The following NEO1 variants were observed in gnomAD, a reference collection of about 807,000 sequenced individuals.
NEO1 encodes the protein neogenin.
A neutral mutation model predicts 159.7 loss-of-function variants in NEO1; 63 were observed. The observed-to-expected ratio is 0.39, with a 90% CI of 0.32 to 0.49. The LOEUF is 0.49. Ranked by LOEUF, NEO1 falls within the 20% of genes least tolerant of loss-of-function variation. NEO1 has a pLI of 0.85. For missense variants in NEO1, 1,615 were observed against 1,831.0 expected, an observed-to-expected ratio of 0.88 and a Z score of 2.15; for synonymous variants, 633 against 662.0, an observed-to-expected ratio of 0.96 and a Z score of 0.67.
intron 1 of NEO1, among the ~76,000 whole-genome samples, chr15:73,094,922 A>G (rs937153799): frequency 6.6e-6 from 1 of 152,182 alleles, no homozygotes; most frequent in African/African-American, 2.4e-5. Context: ...TTAGAAAACC[A>G]TAGCTAGGCT....
chr15:73,066,035 CTTTT>C (rs11400510), intron 1 of NEO1, among the ~76,000 whole-genome samples: 1 of 139,764 alleles, frequency 7.2e-6, no homozygotes, highest in African/African-American at 2.6e-5. Context: ...TCTTTCTTTT[CTTTT>C]TTTTTTTTTT....
Position 73,052,700 on chromosome 15 carries a change from C to A in NEO1, c.25C>A (p.Arg9=). 1 of 1,356,744 alleles carries A rather than the reference C, an allele frequency of 7.4e-7. No individual in the cohort carries two copies. Among genetic ancestry groups the A allele is most frequent in the Non-Finnish European group, 9.5e-7 (1 of 1,047,458 alleles). The allele number at this position is 1,356,744 out of a possible 1,614,324, so 84.0% of individuals were successfully genotyped here. Residue 9 remains arginine (R), a synonymous_variant, in exon 1 of 29, where the codon CGA becomes AGA. Coordinates refer to ENST00000261908, the MANE Select transcript of NEO1 (RefSeq NM_002499.4). ...GATGGCGGCGGAGCGGGGAGCCCGG[C>A]GACTCCTCAGCACCCCCTCCTTCTG... MAAERGAR[R]LLSTPSFWLY...
At chr15:73,193,894 C>T (rs56104737) in intron 7 of NEO1, among the ~76,000 whole-genome samples, 1,947 of 151,820 alleles carry the variant, frequency 0.013, 31 homozygotes, top group African/African-American at 0.044. Flanking sequence ...GCATGTGAGC[C>T]GAGCCTAGAA....
intron 7 of NEO1, among the ~76,000 whole-genome samples, chr15:73,223,925 C>T (rs1304007128): frequency 1.3e-5 from 2 of 152,080 alleles, no homozygotes; most frequent in African/African-American, 4.8e-5. Flanking sequence ...AGACGTTCTG[C>T]TTTGATGTGT....
intron 1 of NEO1, among the ~76,000 whole-genome samples, chr15:73,060,940 A>G (rs1331485983): frequency 6.6e-6 from 1 of 152,222 alleles, no homozygotes; most frequent in East Asian, 1.9e-4. Flanking sequence ...GTGACACTGC[A>G]CTGGCCTAAC....
At chr15:73,126,896 A>G (rs1346871670) in intron 4 of NEO1, among the ~76,000 whole-genome samples, 5 of 152,094 alleles carry the variant, frequency 3.3e-5, no homozygotes, top group Non-Finnish European at 7.4e-5. Context: ...ACACATTCTC[A>G]TATGCATTTT....
At chr15:73,295,151 T>TATATATATATATA (rs1555470520) in intron 26 of NEO1, among the ~76,000 whole-genome samples, 2 of 145,550 alleles carry the variant, frequency 1.4e-5, no homozygotes, top group Non-Finnish European at 3.0e-5. Flanking sequence ...TATGTAAAAA[T>TATATATATATATA]TTGGCCTTTC....
At chr15:73,172,319 C>G (rs1307747384) in intron 5 of NEO1, among the ~76,000 whole-genome samples, 2 of 152,058 alleles carry the variant, frequency 1.3e-5, no homozygotes, top group African/African-American at 4.8e-5. Context: ...GTGTCCTTGC[C>G]TATAAAATGG....
At chr15:73,294,864 T>A (rs749937103) in intron 26 of NEO1, among the ~76,000 whole-genome samples, 10 of 151,970 alleles carry the variant, frequency 6.6e-5, no homozygotes, top group Non-Finnish European at 1.3e-4. Context: ...TTTTCATCAA[T>A]CATAAACATA....
intron 22 of NEO1, among the ~76,000 whole-genome samples, chr15:73,278,730 C>T (rs1403023569): frequency 6.6e-6 from 1 of 152,188 alleles, no homozygotes; most frequent in Non-Finnish European, 1.5e-5. Flanking sequence ...TTGATTCTTA[C>T]AACATGGTGA....
intron 8 of NEO1, among the ~76,000 whole-genome samples, 168 bp from the exon 9 acceptor site, chr15:73,244,176 T>G (rs762865152): frequency 6.6e-6 from 1 of 152,182 alleles, no homozygotes; most frequent in Non-Finnish European, 1.5e-5. Context: ...GCCCTTGCTC[T>G]TTTGCCAGTC....
intron 4 of NEO1, among the ~76,000 whole-genome samples, chr15:73,133,458 T>C (rs549584666): frequency 1.3e-5 from 2 of 152,162 alleles, no homozygotes; most frequent in Non-Finnish European, 2.9e-5. Context: ...GTACACTGTT[T>C]GGGTGATGGG....
rs186070617 is a variant in NEO1, at chr15:73,213,915, A to T, written c.1292-22432A>T. 2.1e-3 allele frequency among the ~76,000 whole-genome samples: 324 copies of T among 152,270 alleles called. 2 individuals carry two copies. Among genetic ancestry groups the T allele is most frequent in the Non-Finnish European group, 5.0e-4 (34 of 68,014 alleles). The stretch of plus-strand genomic sequence containing the variant: ...TATAGAAGTGTTCCCTGTTCACCGC[A>T]TCCATGACAACATCTACTGTTTTTT... On this transcript the variant is annotated intron_variant, in intron 7 of 28. Coordinates refer to ENST00000261908, the MANE Select transcript of NEO1 (RefSeq NM_002499.4).
At chr15:73,265,134 C>T (rs552371711) in intron 15 of NEO1, among the ~76,000 whole-genome samples, 18 of 152,074 alleles carry the variant, frequency 1.2e-4, no homozygotes, top group Non-Finnish European at 2.2e-4. Flanking sequence ...GATAAGTGGC[C>T]GGTAATGATG....
intron 1 of NEO1, among the ~76,000 whole-genome samples, chr15:73,109,970 G>C (rs566466812): frequency 6.6e-6 from 1 of 152,166 alleles, no homozygotes; most frequent in African/African-American, 2.4e-5. Context: ...TAACTGTTAC[G>C]TAGCAAAGCA....
intron 23 of NEO1, among the ~76,000 whole-genome samples, chr15:73,286,306 A>C (rs2041946581): frequency 6.6e-6 from 1 of 152,178 alleles, no homozygotes; most frequent in Admixed American, 6.5e-5. Flanking sequence ...TTCTCATCTT[A>C]GTCTCTCAGC....
At chr15:73,072,938 G>A (rs1315516886) in intron 1 of NEO1, among the ~76,000 whole-genome samples, 4 of 152,278 alleles carry the variant, frequency 2.6e-5, no homozygotes, top group Admixed American at 6.5e-5. Flanking sequence ...GATTTGCATA[G>A]CAGGATGATG....
chr15:73,057,878 A>G (rs1418918982), intron 1 of NEO1, among the ~76,000 whole-genome samples: 3 of 152,212 alleles, frequency 2.0e-5, no homozygotes, highest in Non-Finnish European at 2.9e-5. Context: ...TTATTTAAAA[A>G]TACATAAATA....
chr15:73,064,604 A>G (rs1265809259), intron 1 of NEO1, among the ~76,000 whole-genome samples: 1 of 152,120 alleles, frequency 6.6e-6, no homozygotes, highest in Non-Finnish European at 1.5e-5. Flanking sequence ...AGCTGGGACT[A>G]CAGGTGCACA....
Sources: gnomAD v4.1 joint callset for allele counts (sites outside exome capture counted in the v4.1 genomes callset) on GRCh38, gnomAD v4.1.1 for gene constraint, MANE v1.5 for transcripts, NCBI Gene and HGNC (gene_info 2026-07-23, HGNC 2026-07-21) for gene names.